ETV7: variants seen among roughly 807,000 people sequenced by gnomAD.
ETV7 encodes transcription factor ETV7.
Under a neutral mutation model 39.1 loss-of-function variants are expected in ETV7, and 43 were observed. That is an observed-to-expected ratio of 1.10 (90% CI 0.86 to 1.42). The LOEUF (loss-of-function observed/expected upper bound fraction) is 1.42. Among genes scored for constraint, ETV7 ranks in the 40% most tolerant of loss-of-function variants. The probability of loss-of-function intolerance (pLI) is 0.00; values close to 1 mark genes in which losing one functional copy is unlikely to be tolerated. For missense variants in ETV7, 432 were observed against 442.3 expected, an observed-to-expected ratio of 0.98 and a Z score of 0.21; for synonymous variants, 196 against 176.6, an observed-to-expected ratio of 1.11 and a Z score of -0.87.
At chr6:36,354,487 C>A (rs954945058) in exon 8 of ETV7, 1 of 522,678 alleles carries the variant, frequency 1.9e-6, no homozygotes, top group South Asian at 2.8e-5. Context: ...CCCATTGTCC[C>A]AACACTATTT....
In ETV7 at chr6:36,366,290, G is replaced by A. The variant is rs1772711696; in HGVS notation, c.*355C>T. 1 of 1,089,968 alleles carries A rather than the reference G, an allele frequency of 9.2e-7. No homozygotes were observed. The allele number at this position is 1,089,968 out of a possible 1,614,324, so 67.5% of individuals were successfully genotyped here. On this transcript the variant is annotated 3_prime_UTR_variant, in exon 8 of 8. Transcript: ENST00000340181. ...TCCTGCCTCAGCCCATTTCACAGGT[G>A]AGGAAATCTGAGGCTCAGTGAGGGA...
chr6:36,379,918 G>T (rs1483364438), intron 2 of ETV7, among the ~76,000 whole-genome samples: 1 of 151,112 alleles, frequency 6.6e-6, no homozygotes, highest in African/African-American at 2.4e-5. Flanking sequence ...ACAACAGAAA[G>T]CATAGATGAT....
chr6:36,383,645 C>T (rs3798481), intron 2 of ETV7, among the ~76,000 whole-genome samples: 4,831 of 152,158 alleles, frequency 0.032, 82 homozygotes, highest in African/African-American at 0.047. Flanking sequence ...CTGAGATCAC[C>T]CCCAACAGGG....
chr6:36,356,687 G>A (rs879731769), intron 7 of ETV7, among the ~76,000 whole-genome samples: 1 of 152,342 alleles, frequency 6.6e-6, no homozygotes, highest in Middle Eastern at 3.4e-3. Flanking sequence ...GCCCAGCCTG[G>A]GCTACAGGGC....
rs369987258 is a variant in ETV7, at chr6:36,366,600, G to A, written c.*45C>T. 119 of 1,613,054 alleles carry A rather than the reference G, an allele frequency of 7.4e-5. No individual in the cohort carries two copies. In the African/African-American group the frequency reaches 1.2e-3, roughly 16 times the overall value. ...AGGAGTCTGCCTTCATGGGAGACTC[G>A]GTCCCTGCCCCATCGGTACCGGGTG... is the stretch of plus-strand genomic sequence containing the variant. On this transcript the variant is annotated 3_prime_UTR_variant, in exon 8 of 8. Transcript: ENST00000340181.
rs761134041 is a variant in ETV7 at position 36,369,024 on chromosome 6, G to A, written c.712C>T (p.Arg238Ter). The A allele has an allele frequency of 2.0e-5, 32 of 1,614,010 alleles. No homozygotes were observed. The highest frequency in any genetic ancestry group is 1.1e-4 in the East Asian group (5 of 44,892). Residue 238 changes from arginine to a stop codon, truncating the protein, a stop_gained, in exon 6 of 8, where the codon CGA (arginine) becomes TGA (stop). Transcript: ENST00000340181. LOFTEE classifies it high-confidence loss of function. Reference sequence around the variant, plus strand: ...TCCCACTTGATGTAGGGCTCATATCGGGTATCAAGGAGCAGCTGATACACG... The same window carrying A: ...TCCCACTTGATGTAGGGCTCATATCAGGTATCAAGGAGCAGCTGATACACG... ...DYVYQLLLDT[R>*]YEPYIKWEDK...
At chr6:36,385,421 A>G (rs1773847580) in intron 2 of ETV7, 113 bp downstream of exon 2, 1 of 1,337,916 alleles carries the variant, frequency 7.5e-7, no homozygotes, top group South Asian at 1.2e-5. Flanking sequence ...GCAGTGAGCT[A>G]TGATTACACC....
rs768394231 is a variant in ETV7 at position 36,376,082 on chromosome 6, CAAAG to C, written c.143-51_143-48del. Reference sequence around the variant, plus strand: ...CCCATCACTCCCCGTCGGGCCTCCTCAAAGAAGCCCACCCTGAACACTTCATCTG... The same window carrying C: ...CCCATCACTCCCCGTCGGGCCTCCTCAAGCCCACCCTGAACACTTCATCTG... On this transcript the variant is annotated intron_variant, in intron 2 of 7. Transcript: ENST00000340181. 2.6e-6 allele frequency: 4 copies of C among 1,538,868 alleles called. No homozygotes were observed. The Admixed American group carries it at 7.0e-5, about 27-fold the overall frequency.
At chr6:36,362,729 C>G (rs1189057711), downstream of ETV7, among the ~76,000 whole-genome samples, 1 of 152,204 alleles carries the variant, frequency 6.6e-6, no homozygotes, top group Non-Finnish European at 1.5e-5. Context: ...GTGCAGAGTT[C>G]CGGAGTCGGG....
At chr6:36,364,375 C>T (rs986673435), downstream of ETV7, among the ~76,000 whole-genome samples, 29 of 152,322 alleles carry the variant, frequency 1.9e-4, no homozygotes, top group Non-Finnish European at 3.1e-4. Flanking sequence ...AGCCCTGCCC[C>T]GCAGGAAGGC....
At position 36,366,666 on chromosome 6, in the gene ETV7, C is replaced by T. The variant is rs1272213618; in HGVS notation, c.1005G>A (p.Lys335=). 1.2e-6 allele frequency: 2 copies of T among 1,614,030 alleles called. No individual in the cohort carries two copies. Among genetic ancestry groups the T allele is most frequent in the Non-Finnish European group, 1.7e-6 (2 of 1,180,024 alleles). The part of the protein sequence containing the change: ...QEQDRIEFKD[K]RPEISP ...CCCCTCACGGAGAGATTTCTGGCCT[C>T]TTGTCCTTGAACTCTATTCTGTCCT... is the stretch of plus-strand genomic sequence containing the variant. The change falls in exon 8 of 8, where the codon AAG becomes AAA. Residue 335 remains lysine, a synonymous_variant. Coordinates refer to ENST00000340181, the MANE Select transcript of ETV7 (RefSeq NM_016135.4).
intron 7 of ETV7, among the ~76,000 whole-genome samples, chr6:36,360,347 G>A (rs1772454956): frequency 1.3e-5 from 2 of 152,212 alleles, no homozygotes; most frequent in Admixed American, 1.3e-4. Context: ...GAGGAGATAA[G>A]AAGTTATTCC....
chr6:36,373,229 C>T (rs921588504), intron 4 of ETV7, among the ~76,000 whole-genome samples: 3 of 150,530 alleles, frequency 2.0e-5, no homozygotes, highest in Non-Finnish European at 3.0e-5. Flanking sequence ...ATACAAACAA[C>T]TCTTTGCTGG....
intron 4 of ETV7, 46 bp downstream of exon 4, chr6:36,373,407 G>C: frequency 2.0e-6 from 3 of 1,480,384 alleles, no homozygotes; most frequent in Non-Finnish European, 2.7e-6. Context: ...TCCCAGTGAG[G>C]CTGATTTGAG....
intron 7 of ETV7, among the ~76,000 whole-genome samples, chr6:36,360,265 G>A (rs1772452932): frequency 1.3e-5 from 2 of 152,190 alleles, no homozygotes; most frequent in South Asian, 4.1e-4. Context: ...CCTAGCAGAT[G>A]TCCCAGATCT....
In ETV7 at chr6:36,385,536, A is replaced by C; in HGVS notation, c.140T>G (p.Leu47Arg). 1.2e-6 allele frequency: 2 copies of C among 1,614,198 alleles called. No individual in the cohort carries two copies. Among genetic ancestry groups the C allele is most frequent in the Non-Finnish European group, 1.7e-6 (2 of 1,180,032 alleles). ...EGGICKLPGR[L>R]RIQPALWSRE... ...CTTTTCTCCTCCCCTCTACTTACGGAGTCTTCCTGGCAGCTTGCAGATCCC... is the reference window on the plus strand; with the variant it reads ...CTTTTCTCCTCCCCTCTACTTACGGCGTCTTCCTGGCAGCTTGCAGATCCC... The change falls in exon 2 of 8, where the codon CTC becomes CGC. Residue 47 changes from leucine to arginine, a missense_variant and splice_region_variant. Leu to Arg is a moderately radical substitution (Grantham distance 102). Coordinates refer to ENST00000340181, the MANE Select transcript of ETV7 (RefSeq NM_016135.4).
chr6:36,359,507 A>G (rs1772431087), intron 7 of ETV7, among the ~76,000 whole-genome samples: 1 of 152,196 alleles, frequency 6.6e-6, no homozygotes, highest in Non-Finnish European at 1.5e-5. Flanking sequence ...ACAGTCTACT[A>G]CAGGAGAGAA....
At chr6:36,385,393 G>A (rs1773846091) in intron 2 of ETV7, 141 bp downstream of exon 2, 2 of 978,996 alleles carry the variant, frequency 2.0e-6, no homozygotes, top group Non-Finnish European at 3.1e-6. Flanking sequence ...TTGAACCCAG[G>A]AGCTGGAAGT....
intron 7 of ETV7, among the ~76,000 whole-genome samples, chr6:36,356,972 A>C (rs930070684): frequency 3.9e-5 from 6 of 152,232 alleles, no homozygotes; most frequent in East Asian, 3.8e-4. Flanking sequence ...TAACGCAAAG[A>C]AGCAGCTGTA....
Sources: gnomAD v4.1 joint callset for allele counts (sites outside exome capture counted in the v4.1 genomes callset) on GRCh38, gnomAD v4.1.1 for gene constraint, MANE v1.5 for transcripts, NCBI Gene and HGNC (gene_info 2026-07-23, HGNC 2026-07-21) for gene names.